Variants in ZNF438 observed in about 807,000 individuals in gnomAD.
The protein encoded by ZNF438 is zinc finger protein 438.
ZNF438 carries 25 observed loss-of-function variants against 38.0 expected under a neutral mutation model. The observed-to-expected ratio is 0.66, with a 90% confidence interval of 0.48 to 0.92. The LOEUF is 0.92. ZNF438 is among the 40% of genes least tolerant of loss of function. The probability of loss-of-function intolerance (pLI) is 0.00; values close to 1 mark genes in which losing one functional copy is unlikely to be tolerated. For synonymous variants in ZNF438, 372 were observed against 364.1 expected, an observed-to-expected ratio of 1.02 and a Z score of -0.25; for missense variants, 1,007 against 999.6, an observed-to-expected ratio of 1.01 and a Z score of -0.10.
chr10:30,964,027 T>C (rs924776130), intron 1 of ZNF438, among the ~76,000 whole-genome samples: 1 of 152,192 alleles, frequency 6.6e-6, no homozygotes, highest in Non-Finnish European at 1.5e-5. Flanking sequence ...ACTAAAGTGA[T>C]CCTTATAGTA....
intron 4 of ZNF438, chr10:30,875,481 A>AT (rs1317549073): frequency 1.3e-5 from 13 of 984,990 alleles, no homozygotes; most frequent in South Asian, 4.7e-5. Context: ...TTGTTCCATT[A>AT]TTTTTTCTCC....
Position 30,849,863 on chromosome 10 carries a change from G to T in ZNF438, c.542C>A (p.Ser181Ter). Residue 181 changes from serine (S) to a stop codon, truncating the protein, a stop_gained, in exon 5 of 6, where the codon TCA becomes TAA. Transcript: ENST00000413025. LOFTEE classifies it high-confidence loss of function. ...AATGCTGGCTGGGGCTTGCTCTAGT[G>T]ATGGTACTTCCTCAAATGGACTGGG... 6.2e-7 allele frequency: 1 copy of T among 1,614,132 alleles called. No individual in the cohort carries two copies. Among genetic ancestry groups the T allele is most frequent in the Non-Finnish European group, 8.5e-7 (1 of 1,180,024 alleles).
At chr10:30,948,204 G>C (rs185911933) in intron 1 of ZNF438, among the ~76,000 whole-genome samples, 2 of 152,264 alleles carry the variant, frequency 1.3e-5, no homozygotes, top group African/African-American at 4.8e-5. Context: ...CTGTTAGAAG[G>C]AAAACTAACA....
intron 1 of ZNF438, among the ~76,000 whole-genome samples, chr10:30,987,694 C>G (rs571330267): frequency 1.3e-5 from 2 of 151,964 alleles, no homozygotes; most frequent in African/African-American, 4.8e-5. Flanking sequence ...CCACCCACCA[C>G]CCCCCATCCA....
chr10:30,954,365 A>G (rs545011151), intron 1 of ZNF438, among the ~76,000 whole-genome samples: 1 of 152,328 alleles, frequency 6.6e-6, no homozygotes, highest in Non-Finnish European at 1.5e-5. Context: ...TTATCTCTAG[A>G]GAGAAATGTA....
intron 3 of ZNF438, among the ~76,000 whole-genome samples, chr10:30,901,948 C>T (rs781630835): frequency 3.6e-4 from 54 of 152,090 alleles, no homozygotes; most frequent in Non-Finnish European, 5.6e-4. Flanking sequence ...TAAGGTGGCG[C>T]GTCTGGAGTT....
At chr10:30,881,421 G>A (rs1314988784) in intron 3 of ZNF438, among the ~76,000 whole-genome samples, 1 of 151,978 alleles carries the variant, frequency 6.6e-6, no homozygotes, top group African/African-American at 2.4e-5. Context: ...GATAAGCCTG[G>A]CAAAGTATGT....
intron 5 of ZNF438, 131 bp from the exon 7 acceptor site, chr10:30,845,704 A>G: frequency 9.0e-7 from 1 of 1,115,470 alleles, no homozygotes; most frequent in Non-Finnish European, 1.2e-6. Flanking sequence ...GGGTAAACAG[A>G]GAGCACCTGG....
intron 1 of ZNF438, among the ~76,000 whole-genome samples, chr10:31,020,644 AT>A (rs1002972875): frequency 2.6e-5 from 4 of 152,002 alleles, no homozygotes; most frequent in Admixed American, 6.6e-5. Context: ...AATAAAAAGG[AT>A]TTTTTTTATT....
At chr10:30,999,054 A>G (rs1338114154) in intron 1 of ZNF438, among the ~76,000 whole-genome samples, 1 of 152,188 alleles carries the variant, frequency 6.6e-6, no homozygotes, top group Non-Finnish European at 1.5e-5. Context: ...AGAAATAACA[A>G]AAAACACTAG....
chr10:31,017,004 T>C (rs1417905779), intron 1 of ZNF438, among the ~76,000 whole-genome samples: 2 of 152,188 alleles, frequency 1.3e-5, no homozygotes, highest in African/African-American at 2.4e-5. Context: ...GTGTAGCTCC[T>C]TCCTAGTCCA....
In ZNF438 at chr10:31,012,366, G is replaced by A. The variant is rs181656578; in HGVS notation, c.-192+19467C>T. Among the ~76,000 whole-genome samples the A allele has an allele frequency of 4.2e-3, 634 of 152,054 alleles. 4 individuals carry two copies. The highest frequency in any genetic ancestry group is 7.2e-3 in the Non-Finnish European group (492 of 67,976). On this transcript the variant is annotated intron_variant, in intron 1 of 5. Transcript: ENST00000413025. ...TCTCGATCTCCTGACCTTGTGATCCGCCCACCTCGGCCTCCCAAAGTGCTG... is the reference window on the plus strand; with the variant it reads ...TCTCGATCTCCTGACCTTGTGATCCACCCACCTCGGCCTCCCAAAGTGCTG...
At position 30,852,321 on chromosome 10, in the gene ZNF438, G is replaced by A. The variant is rs1306844849; in HGVS notation, c.38-1954C>T. The stretch of plus-strand genomic sequence containing the variant: ...CCTCCTGGGTTCAAGTGATTCTCCT[G>A]CCTCAACCTCCCAAGTAACTGGGAT... On this transcript the variant is annotated intron_variant, in intron 4 of 5. Coordinates refer to ENST00000413025, the Ensembl canonical transcript of ZNF438. Among the ~76,000 whole-genome samples, 3 of 150,908 alleles carry A rather than the reference G, an allele frequency of 2.0e-5. No individual in the cohort carries two copies. The East Asian group carries it at 5.9e-4, about 30-fold the overall frequency.
intron 1 of ZNF438, among the ~76,000 whole-genome samples, chr10:30,945,542 T>A (rs1170943818): frequency 6.6e-6 from 1 of 151,676 alleles, no homozygotes; most frequent in African/African-American, 2.4e-5. Flanking sequence ...CCCAATGTTA[T>A]CCCTCCCCTC....
intron 1 of ZNF438, among the ~76,000 whole-genome samples, chr10:30,962,651 T>A (rs1264570466): frequency 6.8e-6 from 1 of 147,258 alleles, no homozygotes; most frequent in African/African-American, 2.4e-5. Flanking sequence ...CTTAGTAATA[T>A]CTTGAAAGAA....
chr10:30,979,717 C>T lies in ZNF438; in HGVS notation c.-191-38066G>A, dbSNP rs533677599. Among the ~76,000 whole-genome samples, 589 of 152,232 alleles carry T rather than the reference C, an allele frequency of 3.9e-3. 4 individuals are homozygous for T. Among genetic ancestry groups the T allele is most frequent in the African/African-American group, 0.013 (540 of 41,540 alleles). On this transcript the variant is annotated intron_variant, in intron 1 of 5. Coordinates refer to ENST00000413025, the Ensembl canonical transcript of ZNF438. ...TTCTGTCTCATTGATCTAATATTGA[C>T]GGTGGGGTGTTAAAGTCTCCCACTA... is the stretch of plus-strand genomic sequence containing the variant.
chr10:30,928,319 T>C (rs1413487612), intron 2 of ZNF438, among the ~76,000 whole-genome samples: 2 of 152,172 alleles, frequency 1.3e-5, no homozygotes, highest in African/African-American at 4.8e-5. Flanking sequence ...GTAATTAAAA[T>C]CTGAAAAATA....
At chr10:30,924,295 T>C (rs1270506068) in intron 2 of ZNF438, among the ~76,000 whole-genome samples, 1 of 152,202 alleles carries the variant, frequency 6.6e-6, no homozygotes, top group Non-Finnish European at 1.5e-5. Flanking sequence ...GCCGAGGAGA[T>C]GGGAGCTCAG....
chr10:30,990,761 C>T (rs998737202), intron 1 of ZNF438, among the ~76,000 whole-genome samples: 3 of 152,052 alleles, frequency 2.0e-5, no homozygotes, highest in African/African-American at 4.8e-5. Flanking sequence ...CCAGGTTCTT[C>T]AACAGGTAAA....
Sources: gnomAD v4.1 joint callset for allele counts (sites outside exome capture counted in the v4.1 genomes callset) on GRCh38, gnomAD v4.1.1 for gene constraint, MANE v1.5 for transcripts, NCBI Gene and HGNC (gene_info 2026-07-23, HGNC 2026-07-21) for gene names.